BCAS3: variants seen among roughly 807,000 people sequenced by gnomAD.
BCAS3 encodes the protein BCAS4/BCAS3 fusion.
A neutral mutation model predicts 116.1 loss-of-function variants in BCAS3; 53 were observed. That is an observed-to-expected ratio of 0.46 (90% CI 0.37 to 0.57). The LOEUF (loss-of-function observed/expected upper bound fraction) is 0.57. Ranked by LOEUF, BCAS3 falls within the 20% of genes least tolerant of loss-of-function variation. BCAS3 has a pLI of 0.00. For synonymous variants in BCAS3, 391 were observed against 408.2 expected, an observed-to-expected ratio of 0.96 and a Z score of 0.51; for missense variants, 917 against 1,165.4, an observed-to-expected ratio of 0.79 and a Z score of 3.10.
Position 61,387,107 on chromosome 17 carries a change from G to A in BCAS3, c.2594-4870G>A, listed in dbSNP as rs777893790. ...CTCCGACCTACTGCTGGGGCCCCTG[G>A]TTTGGCCTCTCCAGCTTTCCCTGCG... On this transcript the variant is annotated intron_variant, in intron 23 of 23. Coordinates refer to ENST00000407086, the MANE Select transcript of BCAS3 (RefSeq NM_017679.5). The surrounding 1 kb of genome is among the most constrained non-coding windows in gnomAD (Gnocchi z 6.2). 1.3e-5 allele frequency among the ~76,000 whole-genome samples: 2 copies of A among 152,174 alleles called. No homozygotes were observed. Among genetic ancestry groups the A allele is most frequent in the Non-Finnish European group, 2.9e-5 (2 of 68,034 alleles).
chr17:60,685,994 C>T (rs756340231), intron 3 of BCAS3, among the ~76,000 whole-genome samples: 2 of 151,538 alleles, frequency 1.3e-5, no homozygotes, highest in East Asian at 1.9e-4. Flanking sequence ...CTCAGCCTCC[C>T]GAGTAGCTGG....
intron 10 of BCAS3, among the ~76,000 whole-genome samples, chr17:60,899,719 A>G (rs1447727756): frequency 6.6e-6 from 1 of 151,926 alleles, no homozygotes; most frequent in Non-Finnish European, 1.5e-5. Flanking sequence ...GCTGGTCTCT[A>G]ACTCCTGACC....
rs12940899 is a variant in BCAS3, at chr17:61,342,212, A to G, written c.2426-26115A>G. Reference sequence around the variant, plus strand: ...ACAGACGAGGTTTCACTAAATCTCCATTCAGAAGCTACTCTGGCACCATAC... The same window carrying G: ...ACAGACGAGGTTTCACTAAATCTCCGTTCAGAAGCTACTCTGGCACCATAC... On this transcript the variant is annotated intron_variant, in intron 22 of 23. Transcript: ENST00000407086. Among the ~76,000 whole-genome samples the G allele has an allele frequency of 5.9e-5, 9 of 152,330 alleles. No individual in the cohort carries two copies. In the South Asian group the frequency reaches 1.7e-3, roughly 28 times the overall value.
intron 4 of BCAS3, among the ~76,000 whole-genome samples, chr17:60,694,184 C>T (rs1470442179): frequency 1.1e-3 from 167 of 149,362 alleles, no homozygotes; most frequent in African/African-American, 4.0e-3. Flanking sequence ...CCGCGCCCGG[C>T]CAAACATTTT....
intron 6 of BCAS3, among the ~76,000 whole-genome samples, chr17:60,777,638 GA>G (rs2045435807): frequency 6.6e-6 from 1 of 151,842 alleles, no homozygotes; most frequent in Non-Finnish European, 1.5e-5. Context: ...AAAAGAAAAG[GA>G]AAAAAAGAAA....
At chr17:61,043,655 A>C (rs2067734444) in intron 19 of BCAS3, among the ~76,000 whole-genome samples, 2 of 151,880 alleles carry the variant, frequency 1.3e-5, no homozygotes, top group South Asian at 4.1e-4. Flanking sequence ...AGGCTGAGTA[A>C]ATACGGGCCT....
chr17:61,265,364 A>G lies in BCAS3; in HGVS notation c.2426-102963A>G, dbSNP rs2049593816. Among the ~76,000 whole-genome samples, 1 of 151,844 alleles carries G rather than the reference A, an allele frequency of 6.6e-6. No homozygotes were observed. Among genetic ancestry groups the G allele is most frequent in the Non-Finnish European group, 1.5e-5 (1 of 67,984 alleles). ...GGTTGCAGTGAGCCGAGATCGCACC[A>G]TTGCACTCCAGCCTGGGTAACAAGA... is the stretch of plus-strand genomic sequence containing the variant. On this transcript the variant is annotated intron_variant, in intron 22 of 23. Transcript: ENST00000407086. The surrounding 1 kb of genome is among the most constrained non-coding windows in gnomAD (Gnocchi z 4.3).
intron 7 of BCAS3, among the ~76,000 whole-genome samples, chr17:60,865,620 C>T (rs1050394407): frequency 3.9e-5 from 6 of 152,156 alleles, no homozygotes; most frequent in Non-Finnish European, 8.8e-5. Flanking sequence ...ATTCTGCAAC[C>T]TTGGTAAAGT....
chr17:61,353,663 G>A (rs977370784), intron 22 of BCAS3: 7 of 152,214 alleles, frequency 4.6e-5, no homozygotes, highest in Non-Finnish European at 1.0e-4. Flanking sequence ...CGGCGTGAGG[G>A]ATTATTATCA....
At position 61,204,450 on chromosome 17, in the gene BCAS3, C is replaced by G. The variant is rs1045970987; in HGVS notation, c.2425+119886C>G. On this transcript the variant is annotated intron_variant, in intron 22 of 23. Coordinates refer to ENST00000407086, the MANE Select transcript of BCAS3 (RefSeq NM_017679.5). The surrounding 1 kb of genome is among the most constrained non-coding windows in gnomAD (Gnocchi z 4.2). ...CTTTTTTTCCCACATTCATATTTGACTGCGCATTATGTGAAAAATTGAATT... is the reference window on the plus strand; with the variant it reads ...CTTTTTTTCCCACATTCATATTTGAGTGCGCATTATGTGAAAAATTGAATT... Among the ~76,000 whole-genome samples the G allele has an allele frequency of 9.2e-5, 14 of 152,126 alleles. No individual in the cohort carries two copies. Among genetic ancestry groups the G allele is most frequent in the African/African-American group, 3.1e-4 (13 of 41,410 alleles).
At chr17:61,223,264 TCTC>T (rs2082210511) in intron 22 of BCAS3, among the ~76,000 whole-genome samples, 2 of 150,628 alleles carry the variant, frequency 1.3e-5, no homozygotes, top group South Asian at 2.1e-4. Context: ...TTCAAGCAGT[TCTC>T]CTGCCTCAGC....
At chr17:60,826,329 G>A (rs993552835) in intron 7 of BCAS3, among the ~76,000 whole-genome samples, 1 of 151,996 alleles carries the variant, frequency 6.6e-6, no homozygotes, top group Non-Finnish European at 1.5e-5. Context: ...GGTTACATGA[G>A]TGCACCACCA....
At chr17:61,322,820 G>GAC (rs2055366175) in intron 22 of BCAS3, among the ~76,000 whole-genome samples, 5 of 130,468 alleles carry the variant, frequency 3.8e-5, no homozygotes, top group African/African-American at 1.2e-4. Context: ...GAGAGAGAGA[G>GAC]AGAGAGAGAC....
Position 61,346,937 on chromosome 17 carries a change from C to T in BCAS3, c.2426-21390C>T, listed in dbSNP as rs555610659. Among the ~76,000 whole-genome samples, 201 of 152,354 alleles carry T rather than the reference C, an allele frequency of 1.3e-3. 2 individuals carry two copies. Among genetic ancestry groups the T allele is most frequent in the Non-Finnish European group, 4.7e-4 (32 of 68,044 alleles). ...AAGGCAGTTCGTCATGTCACTTGGT[C>T]ACTTGGCACCTCTTCTCATGTTGGT... is the stretch of plus-strand genomic sequence containing the variant. On this transcript the variant is annotated intron_variant, in intron 22 of 23. Transcript: ENST00000407086. The surrounding 1 kb of genome is among the most constrained non-coding windows in gnomAD (Gnocchi z 5.4).
chr17:60,990,196 C>T lies in BCAS3; in HGVS notation c.1447C>T (p.Pro483Ser). Residue 483 changes from proline to serine, a missense_variant, in exon 15 of 24, where the codon CCA (proline) becomes TCA (serine). This residue lies in a region of BCAS3 where 807 missense variants were observed against 1,026.0 expected (regional missense o/e 0.79). Transcript: ENST00000407086. This position sits in a 1 kb window ranked among gnomAD's most constrained non-coding sequence, Gnocchi z 5.1. Reference sequence around the variant, plus strand: ...GCAAGGAGGTCGCTGTAGCCCTGTTCCAGGTCTATCAAGCAGCCCTTCTGG... The same window carrying T: ...GCAAGGAGGTCGCTGTAGCCCTGTTTCAGGTCTATCAAGCAGCCCTTCTGG... ...SKQGGRCSPV[P>S]GLSSSPSGSP... 6.2e-7 allele frequency: 1 copy of T among 1,614,180 alleles called. No homozygotes were observed. The highest frequency in any genetic ancestry group is 1.3e-5 in the African/African-American group (1 of 75,058).
intron 22 of BCAS3, among the ~76,000 whole-genome samples, chr17:61,170,600 G>A (rs896655748): frequency 5.3e-5 from 8 of 152,032 alleles, no homozygotes; most frequent in Middle Eastern, 3.2e-3. Flanking sequence ...CCGATACGAT[G>A]TAATGGTTTT....
chr17:60,818,249 TTAA>T (rs1375862673), intron 7 of BCAS3, among the ~76,000 whole-genome samples: 3 of 152,196 alleles, frequency 2.0e-5, no homozygotes, highest in Non-Finnish European at 2.9e-5. Context: ...ATTCACAATA[TTAA>T]TATTTTCCTC....
chr17:60,897,772 C>T (rs1431359784), intron 10 of BCAS3, among the ~76,000 whole-genome samples: 7 of 152,228 alleles, frequency 4.6e-5, no homozygotes, highest in African/African-American at 1.2e-4. Flanking sequence ...CTGAAGTTCA[C>T]TGGTGCAATC....
At position 61,145,294 on chromosome 17, in the gene BCAS3, C is replaced by T. The variant is rs2077136530; in HGVS notation, c.2425+60730C>T. 6.6e-6 allele frequency among the ~76,000 whole-genome samples: 1 copy of T among 152,208 alleles called. No homozygotes were observed. Among genetic ancestry groups the T allele is most frequent in the Admixed American group, 6.5e-5 (1 of 15,282 alleles). Reference sequence around the variant, plus strand: ...TGCAACTCATCACCAGCTATGCAAACTGACAGTTCACATCCTGGGGCAGCA... The same window carrying T: ...TGCAACTCATCACCAGCTATGCAAATTGACAGTTCACATCCTGGGGCAGCA... On this transcript the variant is annotated intron_variant, in intron 22 of 23. Transcript: ENST00000407086. This position sits in a 1 kb window ranked among gnomAD's most constrained non-coding sequence, Gnocchi z 5.0.
Sources: allele counts gnomAD v4.1 joint callset (sites outside exome capture counted in the v4.1 genomes callset), GRCh38; gene constraint gnomAD v4.1.1; regional missense constraint gnomAD v4.1.1; non-coding constraint Gnocchi (gnomAD v3.1); transcripts MANE v1.5; gene names NCBI Gene and HGNC (gene_info 2026-07-23, HGNC 2026-07-21).